The following SNX30 variants were observed in gnomAD, a reference collection of about 807,000 sequenced individuals.
The protein encoded by SNX30 is sorting nexin-30.
In SNX30, 24 loss-of-function variants were observed where a neutral mutation model predicts 46.4. The observed-to-expected ratio is 0.52, with a 90% confidence interval of 0.37 to 0.73. The LOEUF is 0.73. SNX30 is among the 30% of genes least tolerant of loss of function. The probability of loss-of-function intolerance (pLI) is 0.00; values close to 1 mark genes in which losing one functional copy is unlikely to be tolerated. For synonymous variants in SNX30, 189 were observed against 211.5 expected (o/e 0.89, Z 0.92); for missense variants, 533 against 555.7 (o/e 0.96, Z 0.41).
At chr9:112,759,246 C>T (rs895879397) in intron 1 of SNX30, among the ~76,000 whole-genome samples, 2 of 152,136 alleles carry the variant, frequency 1.3e-5, no homozygotes, top group Non-Finnish European at 2.9e-5. Context: ...ACTTCCTGAC[C>T]TCTGACATAC....
At chr9:112,784,284 A>G (rs1021220276) in intron 1 of SNX30, among the ~76,000 whole-genome samples, 4 of 150,328 alleles carry the variant, frequency 2.7e-5, no homozygotes, top group Non-Finnish European at 3.0e-5. Flanking sequence ...CGTCTCCTGT[A>G]TTTCCCTCTT....
In SNX30 at chr9:112,864,291, C is replaced by G. The variant is rs1354716329; in HGVS notation, c.1146C>G (p.Phe382Leu). 3.7e-6 allele frequency: 6 copies of G among 1,614,148 alleles called. No homozygotes were observed. The highest frequency in any genetic ancestry group is 2.2e-5 in the East Asian group (1 of 44,880). The stretch of plus-strand genomic sequence containing the variant: ...AATGTCAGGATCGGATGGAGTGTTT[C>G]AATGCTGACCTGAAAGCTGACATGG... Reference protein sequence around the residue: ...VEKCQDRMECFNADLKADMER... With the variant: ...VEKCQDRMECLNADLKADMER... The change falls in exon 8 of 9, where the codon TTC (phenylalanine) becomes TTG (leucine). Residue 382 changes from phenylalanine to leucine, a missense_variant. By Grantham distance (22) the Phe-to-Leu change is conservative. This residue lies in a region of SNX30 where 261 missense variants were observed against 270.9 expected (regional missense o/e 0.96). Coordinates refer to ENST00000374232, the MANE Select transcript of SNX30 (RefSeq NM_001012994.2).
At chr9:112,833,507 AAGC>A (rs1437922502) in intron 4 of SNX30, among the ~76,000 whole-genome samples, 1 of 152,188 alleles carries the variant, frequency 6.6e-6, no homozygotes, top group South Asian at 2.1e-4. Flanking sequence ...TATTAAAAAG[AAGC>A]AGCAGCAGCA....
chr9:112,864,309 T>C lies in SNX30; in HGVS notation c.1164T>C (p.Ala388=). The change falls in exon 8 of 9, where the codon GCT becomes GCC. Residue 388 remains alanine, a synonymous_variant. Coordinates refer to ENST00000374232, the MANE Select transcript of SNX30 (RefSeq NM_001012994.2). The stretch of plus-strand genomic sequence containing the variant: ...AGTGTTTCAATGCTGACCTGAAAGC[T>C]GACATGGAGAGGTGGCAGAACAACA... ...RMECFNADLK[A]DMERWQNNKR... 6.2e-7 allele frequency: 1 copy of C among 1,614,112 alleles called. No homozygotes were observed.
intron 1 of SNX30, among the ~76,000 whole-genome samples, chr9:112,761,004 C>T (rs1346690183): frequency 6.6e-6 from 1 of 152,034 alleles, no homozygotes; most frequent in South Asian, 2.1e-4. Flanking sequence ...TTGGGTCATG[C>T]GTTGGGAGTG....
chr9:112,783,806 G>A (rs1168792076), intron 1 of SNX30, among the ~76,000 whole-genome samples: 3 of 152,092 alleles, frequency 2.0e-5, no homozygotes, highest in African/African-American at 7.2e-5. Context: ...TTGTGAGAGT[G>A]GAAAAAACGG....
At chr9:112,763,708 G>T (rs1041031514) in intron 1 of SNX30, among the ~76,000 whole-genome samples, 4 of 151,980 alleles carry the variant, frequency 2.6e-5, no homozygotes, top group African/African-American at 9.7e-5. Flanking sequence ...AATTAGCTGG[G>T]CATGGCGGCG....
At chr9:112,856,520 G>A (rs947283561) in intron 7 of SNX30, among the ~76,000 whole-genome samples, 4 of 151,894 alleles carry the variant, frequency 2.6e-5, no homozygotes, top group African/African-American at 9.7e-5. Context: ...TCGTGTGGAG[G>A]TGACTGGGAT....
chr9:112,854,167 T>C (rs10759600), intron 7 of SNX30, among the ~76,000 whole-genome samples: 122,668 of 152,266 alleles, frequency 0.81, 49,554 homozygotes, highest in South Asian at 0.87. Flanking sequence ...AATAATAGGC[T>C]GAGTTAAGTC....
intron 3 of SNX30, among the ~76,000 whole-genome samples, 167 bp from the exon 4 acceptor site, chr9:112,830,558 C>G (rs1199903480): frequency 6.6e-6 from 1 of 151,936 alleles, no homozygotes; most frequent in Non-Finnish European, 1.5e-5. Context: ...GGTATTTACT[C>G]CATGTGTATT....
At position 112,838,577 on chromosome 9, in the gene SNX30, G is replaced by A. The variant is rs1840804685; in HGVS notation, c.894G>A (p.Leu298=). Residue 298 remains leucine, a synonymous_variant, in exon 6 of 9, where the codon CTG becomes CTA. Transcript: ENST00000374232. ...TGGAGGGTGAGCTGGCTGAACCCCT[G>A]GAGGGTGTGTCAGCTTGCATTGGGA... ...SALEGELAEP[L]EGVSACIGNC... The A allele has an allele frequency of 1.2e-6, 2 of 1,614,220 alleles. No homozygotes were observed. Among genetic ancestry groups the A allele is most frequent in the Non-Finnish European group, 8.5e-7 (1 of 1,180,020 alleles).
At chr9:112,860,094 C>T (rs1841203538) in intron 7 of SNX30, among the ~76,000 whole-genome samples, 1 of 152,072 alleles carries the variant, frequency 6.6e-6, no homozygotes, top group Admixed American at 6.5e-5. Flanking sequence ...TACAGGAGCA[C>T]ACCACCATGC....
chr9:112,815,627 C>G (rs888708351), intron 2 of SNX30, among the ~76,000 whole-genome samples: 1 of 152,200 alleles, frequency 6.6e-6, no homozygotes, highest in Admixed American at 6.5e-5. Context: ...TCCCAAAGTG[C>G]TGGGATTACA....
At chr9:112,830,597 A>G (rs1466129167) in intron 3 of SNX30, 128 bp from the exon 4 acceptor site, 14 of 784,658 alleles carry the variant, frequency 1.8e-5, no homozygotes, top group Non-Finnish European at 2.4e-5. Context: ...TAATGACTAC[A>G]TGAAGATCTG....
intron 1 of SNX30, among the ~76,000 whole-genome samples, chr9:112,761,224 G>A (rs894826568): frequency 6.6e-6 from 1 of 152,186 alleles, no homozygotes; most frequent in African/African-American, 2.4e-5. Context: ...GTGCAGTGGT[G>A]TTACCTTGAC....
chr9:112,833,478 G>T (rs1355193358), intron 4 of SNX30, among the ~76,000 whole-genome samples: 2 of 152,174 alleles, frequency 1.3e-5, no homozygotes, highest in Non-Finnish European at 2.9e-5. Context: ...GGGCAACATG[G>T]TGAGACCCCA....
At chr9:112,784,017 T>G (rs1278849540) in intron 1 of SNX30, among the ~76,000 whole-genome samples, 2 of 152,212 alleles carry the variant, frequency 1.3e-5, no homozygotes, top group Non-Finnish European at 2.9e-5. Context: ...GAACTTGGGT[T>G]TATTCAATTT....
At chr9:112,806,390 C>G (rs1840224581) in intron 2 of SNX30, among the ~76,000 whole-genome samples, 1 of 152,132 alleles carries the variant, frequency 6.6e-6, no homozygotes, top group African/African-American at 2.4e-5. Flanking sequence ...TACCCCACCC[C>G]CACCAAGTCA....
chr9:112,769,151 T>C (rs1839602951), intron 1 of SNX30, among the ~76,000 whole-genome samples: 1 of 152,244 alleles, frequency 6.6e-6, no homozygotes, highest in South Asian at 2.1e-4. Flanking sequence ...CAAATACGTA[T>C]GTTTCTTTTG....
Sources: allele counts gnomAD v4.1 joint callset (sites outside exome capture counted in the v4.1 genomes callset), GRCh38; gene constraint gnomAD v4.1.1; regional missense constraint gnomAD v4.1.1; transcripts MANE v1.5; gene names NCBI Gene and HGNC (gene_info 2026-07-23, HGNC 2026-07-21).